Variants in CSMD2 observed in about 807,000 individuals in gnomAD.
CSMD2 encodes CUB and sushi domain-containing protein 2.
CSMD2 carries 130 observed loss-of-function variants against 398.5 expected under a neutral mutation model. That is an observed-to-expected ratio of 0.33 (90% confidence interval 0.28 to 0.38). The LOEUF is 0.38. Among genes scored for constraint, CSMD2 ranks in the 10% least tolerant of loss-of-function variants. The probability of loss-of-function intolerance (pLI) is 1.00; values close to 1 mark genes in which losing one functional copy is unlikely to be tolerated. For missense variants in CSMD2, 3,829 were observed against 4,764.9 expected, an observed-to-expected ratio of 0.80 and a Z score of 5.78; for synonymous variants, 1,828 against 1,908.5, an observed-to-expected ratio of 0.96 and a Z score of 1.10.
At chr1:33,843,094 T>C (rs1238204531) in intron 6 of CSMD2, among the ~76,000 whole-genome samples, 1 of 152,256 alleles carries the variant, frequency 6.6e-6, no homozygotes, top group Non-Finnish European at 1.5e-5. Context: ...GCTCTTATCA[T>C]GCTGTACAGA....
At chr1:33,887,992 G>A (rs554996708) in intron 5 of CSMD2, among the ~76,000 whole-genome samples, 1 of 151,424 alleles carries the variant, frequency 6.6e-6, no homozygotes, top group South Asian at 2.1e-4. Flanking sequence ...AAAAAATGCA[G>A]TGACAAATGG....
At chr1:33,627,757 C>T (rs1642217424) in intron 32 of CSMD2, among the ~76,000 whole-genome samples, 1 of 152,232 alleles carries the variant, frequency 6.6e-6, no homozygotes, top group Non-Finnish European at 1.5e-5. Context: ...CAGAAAGAAA[C>T]TCATGAAGGC....
intron 13 of CSMD2, among the ~76,000 whole-genome samples, chr1:33,762,272 C>T (rs1649918047): frequency 6.6e-6 from 1 of 152,256 alleles, no homozygotes; most frequent in Admixed American, 6.5e-5. Flanking sequence ...GCTGGGGAAA[C>T]TCTGTTGGCC....
chr1:33,851,689 C>G (rs976837209), intron 5 of CSMD2, among the ~76,000 whole-genome samples: 4 of 152,194 alleles, frequency 2.6e-5, no homozygotes, highest in African/African-American at 9.7e-5. Flanking sequence ...TGAAGCAAAC[C>G]TTTAATGACT....
At chr1:33,966,490 G>A (rs1645561780) in intron 3 of CSMD2, among the ~76,000 whole-genome samples, 1 of 152,166 alleles carries the variant, frequency 6.6e-6, no homozygotes, top group Admixed American at 6.5e-5. Context: ...GGTTCTAGGG[G>A]GTTTGTTGTT....
intron 1 of CSMD2, among the ~76,000 whole-genome samples, chr1:34,155,326 T>C (rs1640709835): frequency 6.6e-6 from 1 of 152,152 alleles, no homozygotes; most frequent in African/African-American, 2.4e-5. Flanking sequence ...TAGAACAAAA[T>C]ATCGTAGGAG....
At chr1:33,900,780 CA>C (rs397861504) in intron 5 of CSMD2, among the ~76,000 whole-genome samples, 13,916 of 118,740 alleles carry the variant, frequency 0.12, 670 homozygotes, top group East Asian at 0.2. Flanking sequence ...AACTCCATCT[CA>C]AAAAAAAAAA....
intron 19 of CSMD2, among the ~76,000 whole-genome samples, chr1:33,720,528 T>C (rs1646325856): frequency 6.6e-6 from 1 of 151,980 alleles, no homozygotes; most frequent in African/African-American, 2.4e-5. Context: ...GACGAAGTGT[T>C]CCAGAGAGAA....
chr1:33,805,098 T>C (rs1163146890), intron 10 of CSMD2, among the ~76,000 whole-genome samples: 1 of 152,230 alleles, frequency 6.6e-6, no homozygotes, highest in East Asian at 1.9e-4. Context: ...AGGTCACTGG[T>C]CTCCACACAC....
intron 3 of CSMD2, among the ~76,000 whole-genome samples, chr1:33,972,090 C>T (rs778075133): frequency 2.6e-4 from 40 of 152,048 alleles, no homozygotes; most frequent in African/African-American, 4.3e-4. Flanking sequence ...GCAGGGACCG[C>T]GGGAGTAGGT....
intron 22 of CSMD2, among the ~76,000 whole-genome samples, chr1:33,706,473 A>G (rs559346669): frequency 2.2e-4 from 33 of 152,268 alleles, no homozygotes; most frequent in African/African-American, 7.9e-4. Context: ...TTTTTGTGTC[A>G]TAAATATAAT....
chr1:33,623,294 A>C (rs1641891492), intron 36 of CSMD2, 76 bp downstream of exon 36: 9 of 945,834 alleles, frequency 9.5e-6, no homozygotes, highest in African/African-American at 1.6e-5. Context: ...CAATAATAAT[A>C]ATGATAATAA....
At chr1:33,844,287 T>TA (rs1553229740) in intron 6 of CSMD2, among the ~76,000 whole-genome samples, 3 of 151,588 alleles carry the variant, frequency 2.0e-5, no homozygotes, top group Non-Finnish European at 1.5e-5. Flanking sequence ...TGTGTGTGTG[T>TA]GGGGGGGCGC....
intron 3 of CSMD2, among the ~76,000 whole-genome samples, chr1:34,013,448 C>A (rs1179116746): frequency 1.3e-5 from 2 of 152,166 alleles, no homozygotes; most frequent in Non-Finnish European, 1.5e-5. Flanking sequence ...ACCCCAAATC[C>A]CTCCACTCAG....
chr1:34,028,219 G>C (rs1550163), intron 3 of CSMD2, among the ~76,000 whole-genome samples: 15,537 of 152,070 alleles, frequency 0.1, 878 homozygotes, highest in East Asian at 0.19. Context: ...TACTTCAGGG[G>C]CTGAGGCAGG....
At chr1:34,148,018 G>A (rs890142636) in intron 1 of CSMD2, among the ~76,000 whole-genome samples, 2 of 152,044 alleles carry the variant, frequency 1.3e-5, no homozygotes, top group African/African-American at 4.8e-5. Flanking sequence ...TTGAGAGGGA[G>A]GGGCCCACAA....
chr1:33,724,218 T>C lies in CSMD2; in HGVS notation c.2980A>G (p.Ile994Val). ...TCACCCTTGCCATGAGATGTTTCGA[T>C]AATCCAGGTGCAGTTCAAGTTGTTG... is the stretch of plus-strand genomic sequence containing the variant. The part of the protein sequence containing the change: ...YPNNLNCTWI[I>V]ETSHGKGVFF... The change falls in exon 19 of 71, where the codon ATC becomes GTC. Residue 994 changes from isoleucine (I) to valine (V), a missense_variant. Coordinates refer to ENST00000373381, the MANE Select transcript of CSMD2 (RefSeq NM_001281956.2). 6.2e-7 allele frequency: 1 copy of C among 1,613,466 alleles called. No homozygotes were observed. The highest frequency in any genetic ancestry group is 8.5e-7 in the Non-Finnish European group (1 of 1,179,400).
At chr1:33,832,510 G>A (rs566710012) in intron 6 of CSMD2, among the ~76,000 whole-genome samples, 1 of 148,336 alleles carries the variant, frequency 6.7e-6, no homozygotes, top group South Asian at 2.3e-4. Flanking sequence ...AGTGTGTAGA[G>A]GGAAATTTAT....
intron 25 of CSMD2, among the ~76,000 whole-genome samples, chr1:33,680,052 C>G (rs1301885304): frequency 1.3e-5 from 2 of 151,438 alleles, no homozygotes; most frequent in Non-Finnish European, 2.9e-5. Context: ...TCCCGAGTAG[C>G]TGGGGCTACA....
Sources: gnomAD v4.1 joint callset for allele counts (sites outside exome capture counted in the v4.1 genomes callset) on GRCh38, gnomAD v4.1.1 for gene constraint, MANE v1.5 for transcripts, NCBI Gene and HGNC (gene_info 2026-07-23, HGNC 2026-07-21) for gene names.